Variants in FER1L6 observed in about 807,000 individuals in gnomAD.
FER1L6 encodes fer-1 like family member 6.
In FER1L6, 177 loss-of-function variants were observed where a neutral mutation model predicts 219.2. The ratio of observed to expected loss-of-function variants is 0.81; its 90% CI spans 0.71 to 0.91. The LOEUF is 0.91. FER1L6 is among the 40% of genes least tolerant of loss of function. The pLI, the probability that FER1L6 is intolerant of heterozygous loss-of-function variation, is 0.00. For missense variants in FER1L6, 2,153 were observed against 2,259.9 expected, an observed-to-expected ratio of 0.95 and a Z score of 0.96; for synonymous variants, 768 against 824.3, an observed-to-expected ratio of 0.93 and a Z score of 1.17.
intron 22 of FER1L6, 77 bp downstream of exon 22, chr8:124,049,833 C>A: frequency 6.9e-7 from 1 of 1,445,900 alleles, no homozygotes; most frequent in Non-Finnish European, 9.7e-7. Flanking sequence ...AATGCCACTT[C>A]AATGAAGCTG....
At chr8:123,885,999 A>C (rs1206998867) in intron 1 of FER1L6, among the ~76,000 whole-genome samples, 5 of 152,130 alleles carry the variant, frequency 3.3e-5, no homozygotes, top group Admixed American at 6.5e-5. Flanking sequence ...AGGCTCTTAC[A>C]TACTTCTTCA....
chr8:123,901,487 A>G (rs1310341854), intron 1 of FER1L6, among the ~76,000 whole-genome samples: 2 of 151,586 alleles, frequency 1.3e-5, no homozygotes, highest in Non-Finnish European at 2.9e-5. Context: ...TTTTGTTTCA[A>G]CTTCATTTAG....
At chr8:123,962,050 C>A (rs994964112) in intron 2 of FER1L6, among the ~76,000 whole-genome samples, 4 of 151,900 alleles carry the variant, frequency 2.6e-5, no homozygotes, top group Admixed American at 6.6e-5. Flanking sequence ...CCACCACGCC[C>A]AGCTAACTTT....
chr8:123,977,502 G>A lies in FER1L6; in HGVS notation c.956G>A (p.Arg319Gln), dbSNP rs765141155. Reference sequence around the variant, plus strand: ...AAGGAAATGTTCCCTCCCTTGTGTCGGAGGGTGAAAATCCAGGTGTGGGAT... The same window carrying A: ...AAGGAAATGTTCCCTCCCTTGTGTCAGAGGGTGAAAATCCAGGTGTGGGAT... ...IFKEMFPPLCRRVKIQVWDEG... is the reference protein window; with the variant it reads ...IFKEMFPPLCQRVKIQVWDEG... The change falls in exon 10 of 41, where the codon CGG becomes CAG. Residue 319 changes from arginine to glutamine, a missense_variant. Transcript: ENST00000522917. 2.0e-5 allele frequency: 32 copies of A among 1,613,942 alleles called. No homozygotes were observed. Among genetic ancestry groups the A allele is most frequent in the South Asian group, 7.7e-5 (7 of 91,086 alleles).
At chr8:123,935,924 A>G (rs2129955458) in intron 1 of FER1L6, among the ~76,000 whole-genome samples, 1 of 149,912 alleles carries the variant, frequency 6.7e-6, no homozygotes, top group East Asian at 2.0e-4. Context: ...TGATGAGTTT[A>G]AAATCCTGCG....
chr8:124,020,561 T>C (rs1220568387), intron 16 of FER1L6, among the ~76,000 whole-genome samples: 2 of 152,220 alleles, frequency 1.3e-5, no homozygotes, highest in Non-Finnish European at 2.9e-5. Flanking sequence ...CAACCACTTA[T>C]ACTGAGCTTT....
At chr8:124,114,202 A>G (rs1352337217) in intron 39 of FER1L6, among the ~76,000 whole-genome samples, 1 of 152,122 alleles carries the variant, frequency 6.6e-6, no homozygotes, top group African/African-American at 2.4e-5. Context: ...TCAGTTGGAA[A>G]TAAATCAGTC....
At chr8:123,865,685 G>T (rs1417485399) in intron 1 of FER1L6, among the ~76,000 whole-genome samples, 27 of 151,244 alleles carry the variant, frequency 1.8e-4, no homozygotes, top group Non-Finnish European at 3.2e-4. Flanking sequence ...GTCTCGTGGT[G>T]AGCCGTTTTT....
chr8:123,975,802 T>C, intron 8 of FER1L6, 96 bp from the exon 9 acceptor site: 2 of 971,344 alleles, frequency 2.1e-6, no homozygotes, highest in Non-Finnish European at 1.6e-6. Context: ...TTGTCTTATA[T>C]TGGGATCTTT....
chr8:123,852,085 C>T lies in FER1L6; in HGVS notation c.-108C>T, dbSNP rs903504330. ...GGGAACACCGTGAGACCAGTGAATT[C>T]CACGAGCACGAACCCACTGCTGCGC... On this transcript the variant is annotated 5_prime_UTR_variant, in exon 1 of 41. Coordinates refer to ENST00000522917, the MANE Select transcript of FER1L6 (RefSeq NM_001039112.2). The surrounding 1 kb of genome is among the most constrained non-coding windows in gnomAD (Gnocchi z 4.9). 7.2e-5 allele frequency: 11 copies of T among 152,238 alleles called. No individual in the cohort carries two copies. The highest frequency in any genetic ancestry group is 2.7e-4 in the African/African-American group (11 of 41,452). The allele number at this position is 152,238 out of a possible 1,614,324, so 9.4% of individuals were successfully genotyped here. A position where few individuals can be genotyped will look rare whatever the true frequency, so the allele number is the denominator to read the frequency against.
intron 39 of FER1L6, among the ~76,000 whole-genome samples, chr8:124,117,389 T>C (rs557338345): frequency 4.6e-5 from 7 of 152,346 alleles, no homozygotes; most frequent in African/African-American, 1.7e-4. Context: ...AAAGGAAGAA[T>C]TAAAATCAAT....
At chr8:124,105,219 G>A (rs1017894358) in intron 39 of FER1L6, among the ~76,000 whole-genome samples, 7 of 152,180 alleles carry the variant, frequency 4.6e-5, no homozygotes, top group African/African-American at 7.2e-5. Context: ...TTCCACAGGC[G>A]AATGGCCTGA....
At chr8:123,989,070 A>G (rs1251109609) in intron 12 of FER1L6, among the ~76,000 whole-genome samples, 1 of 152,098 alleles carries the variant, frequency 6.6e-6, no homozygotes, top group African/African-American at 2.4e-5. Context: ...TGCTTTTTCA[A>G]CATAAATTGG....
At position 123,853,225 on chromosome 8, in the gene FER1L6, G is replaced by A. The variant is rs1169595424; in HGVS notation, c.-8+1040G>A. 2.0e-5 allele frequency among the ~76,000 whole-genome samples: 3 copies of A among 152,096 alleles called. No homozygotes were observed. Among genetic ancestry groups the A allele is most frequent in the East Asian group, 3.9e-4 (2 of 5,176 alleles). The stretch of plus-strand genomic sequence containing the variant: ...GCTGGAGTGCAGTGGTACAATCTTG[G>A]CTCACTGCAGCCGCCACCTCCCAGG... On this transcript the variant is annotated intron_variant, in intron 1 of 40. Coordinates refer to ENST00000522917, the MANE Select transcript of FER1L6 (RefSeq NM_001039112.2). This position sits in a 1 kb window ranked among gnomAD's most constrained non-coding sequence, Gnocchi z 6.6.
At chr8:123,970,601 G>A (rs1321709676) in intron 6 of FER1L6, among the ~76,000 whole-genome samples, 1 of 152,120 alleles carries the variant, frequency 6.6e-6, no homozygotes, top group Non-Finnish European at 1.5e-5. Context: ...ATGTGATTTG[G>A]ACTAAGTGGT....
At chr8:124,056,601 C>A (rs1232536068) in intron 22 of FER1L6, among the ~76,000 whole-genome samples, 1 of 152,226 alleles carries the variant, frequency 6.6e-6, no homozygotes, top group African/African-American at 2.4e-5. Context: ...CTTCAGGCAG[C>A]ATCTCTGTGT....
intron 1 of FER1L6, among the ~76,000 whole-genome samples, chr8:123,868,873 CAT>C (rs1008351738): frequency 2.0e-5 from 3 of 152,212 alleles, no homozygotes; most frequent in African/African-American, 7.2e-5. Context: ...AGAGGTATCA[CAT>C]AGAGAAATAA....
chr8:123,908,414 A>ATTTAAG (rs1343379105), intron 1 of FER1L6, among the ~76,000 whole-genome samples: 1 of 152,196 alleles, frequency 6.6e-6, no homozygotes. Flanking sequence ...AAAATAATTT[A>ATTTAAG]TTTAAGAGCT....
In FER1L6 at chr8:124,060,713, C is replaced by A. The variant is rs370235885; in HGVS notation, c.3147+4C>A. ...CCAGGCAGACGCTTTCGAAGTGGTG[C>A]GAGCTTCTCACTCTCCCGACCTGGC... is the stretch of plus-strand genomic sequence containing the variant. On this transcript the variant is annotated splice_donor_region_variant and intron_variant, in intron 24 of 40. Transcript: ENST00000522917. 2.5e-6 allele frequency: 4 copies of A among 1,612,240 alleles called. No homozygotes were observed. Among genetic ancestry groups the A allele is most frequent in the Non-Finnish European group, 3.4e-6 (4 of 1,178,594 alleles).
Sources: allele counts gnomAD v4.1 joint callset (sites outside exome capture counted in the v4.1 genomes callset), GRCh38; gene constraint gnomAD v4.1.1; non-coding constraint Gnocchi (gnomAD v3.1); transcripts MANE v1.5; gene names NCBI Gene and HGNC (gene_info 2026-07-23, HGNC 2026-07-21).